Variants in COL24A1 observed in about 807,000 individuals in gnomAD.
COL24A1 encodes collagen type XXIV alpha 1 chain.
COL24A1 carries 224 observed loss-of-function variants against 253.9 expected under a neutral mutation model. The ratio of observed to expected loss-of-function variants is 0.88; its 90% CI spans 0.79 to 0.99. COL24A1 has a LOEUF of 0.99. Ranked by LOEUF, COL24A1 falls within the 50% of genes least tolerant of loss-of-function variation. The pLI is 0.00. For synonymous variants in COL24A1, 685 were observed against 673.7 expected (o/e 1.02, Z -0.26); for missense variants, 2,131 against 2,068.5 (o/e 1.03, Z -0.59).
chr1:86,027,794 C>T (rs1324797867), intron 14 of COL24A1, among the ~76,000 whole-genome samples: 4 of 152,132 alleles, frequency 2.6e-5, no homozygotes, highest in African/African-American at 4.8e-5. Context: ...GGTAGATCCA[C>T]GAACAGCTTG....
chr1:85,858,439 G>A (rs980804451), intron 37 of COL24A1, among the ~76,000 whole-genome samples: 9 of 151,780 alleles, frequency 5.9e-5, no homozygotes, highest in Admixed American at 2.6e-4. Flanking sequence ...GGGCCTTTGC[G>A]TTAGATATTC....
chr1:86,081,041 G>A (rs1467142781), intron 7 of COL24A1, among the ~76,000 whole-genome samples: 13 of 151,804 alleles, frequency 8.6e-5, no homozygotes, highest in Admixed American at 2.0e-4. Context: ...ATAGTTGCAC[G>A]GGGAAATAAA....
At chr1:85,825,515 G>C (rs1193872141) in intron 43 of COL24A1, among the ~76,000 whole-genome samples, 1 of 152,084 alleles carries the variant, frequency 6.6e-6, no homozygotes, top group African/African-American at 2.4e-5. Flanking sequence ...TCCCACAATG[G>C]TTGAACTAGT....
chr1:85,997,730 A>G (rs12031105), intron 19 of COL24A1, among the ~76,000 whole-genome samples: 58,529 of 150,928 alleles, frequency 0.39, 11,843 homozygotes, highest in East Asian at 0.58. Context: ...GCAGTGAGCC[A>G]AGATCGCGCC....
intron 28 of COL24A1, among the ~76,000 whole-genome samples, chr1:85,906,264 C>CT (rs10526604): frequency 0.01 from 801 of 77,836 alleles, 107 homozygotes; most frequent in Admixed American, 0.013. Context: ...ACTGCAAGGT[C>CT]TTTTTTTTTT....
chr1:85,794,056 A>G (rs547843515), intron 47 of COL24A1, among the ~76,000 whole-genome samples: 11 of 152,306 alleles, frequency 7.2e-5, no homozygotes, highest in South Asian at 2.1e-4. Flanking sequence ...TCAGAGTTAA[A>G]CCAACTGAAA....
rs1482194231 is a variant in COL24A1, at chr1:86,146,101, A to G, written c.121+18T>C. The G allele has an allele frequency of 6.3e-7, 1 of 1,595,390 alleles. No homozygotes were observed. Among genetic ancestry groups the G allele is most frequent in the Admixed American group, 1.7e-5 (1 of 58,478 alleles). ...GAATTTTTAAGTAAGCAAATAAATT[A>G]AAAGGTAATTTTCTTACCTTGTTCT... On this transcript the variant is annotated intron_variant, in intron 2 of 59. Transcript: ENST00000370571.
At chr1:85,961,161 C>G in intron 24 of COL24A1, 88 bp downstream of exon 24, 5 of 972,330 alleles carry the variant, frequency 5.1e-6, no homozygotes, top group Non-Finnish European at 8.1e-6. Flanking sequence ...TTCCGAGTAA[C>G]TTGACTATAG....
intron 3 of COL24A1, among the ~76,000 whole-genome samples, chr1:86,118,654 C>T (rs1706398936): frequency 6.6e-6 from 1 of 151,960 alleles, no homozygotes; most frequent in South Asian, 2.1e-4. Flanking sequence ...ACAAATTTTA[C>T]TTAGTGACAT....
At chr1:85,849,042 T>A (rs1387458496) in intron 38 of COL24A1, among the ~76,000 whole-genome samples, 1 of 152,170 alleles carries the variant, frequency 6.6e-6, no homozygotes, top group Non-Finnish European at 1.5e-5. Context: ...GCACAAATGG[T>A]ATAGTATTTT....
At chr1:86,132,933 T>C (rs1019725784) in intron 2 of COL24A1, among the ~76,000 whole-genome samples, 19 of 152,108 alleles carry the variant, frequency 1.2e-4, no homozygotes, top group African/African-American at 4.3e-4. Flanking sequence ...GGGGATGGAA[T>C]TGAATCTGTA....
intron 12 of COL24A1, among the ~76,000 whole-genome samples, chr1:86,043,047 G>A (rs1345901441): frequency 6.6e-6 from 1 of 152,040 alleles, no homozygotes; most frequent in African/African-American, 2.4e-5. Context: ...TTGACTGTTA[G>A]ACTGTTTCAT....
chr1:85,773,732 CTT>C (rs1668231219), intron 53 of COL24A1, among the ~76,000 whole-genome samples: 1 of 152,172 alleles, frequency 6.6e-6, no homozygotes, highest in African/African-American at 2.4e-5. Context: ...TATCCTGAGA[CTT>C]TGCTGAAGTT....
chr1:85,915,261 T>C (rs1168058304), intron 24 of COL24A1, among the ~76,000 whole-genome samples: 1 of 152,230 alleles, frequency 6.6e-6, no homozygotes, highest in African/African-American at 2.4e-5. Flanking sequence ...CATTGACTCC[T>C]AGTTCTCAGG....
At chr1:86,049,908 A>T (rs552160675) in intron 11 of COL24A1, among the ~76,000 whole-genome samples, 8 of 152,142 alleles carry the variant, frequency 5.3e-5, no homozygotes, top group Non-Finnish European at 1.0e-4. Context: ...TTGAACTTAA[A>T]GTACAATTAT....
At chr1:85,786,188 T>G (rs1303670811) in intron 48 of COL24A1, among the ~76,000 whole-genome samples, 166 bp downstream of exon 48, 2 of 152,178 alleles carry the variant, frequency 1.3e-5, no homozygotes, top group South Asian at 4.1e-4. Context: ...TCATGGGAGA[T>G]GGATATGTCA....
At chr1:85,818,124 T>C (rs1452032405) in intron 45 of COL24A1, 37 bp from the exon 46 acceptor site, 1 of 1,539,856 alleles carries the variant, frequency 6.5e-7, no homozygotes, top group African/African-American at 1.4e-5. Flanking sequence ...TTGACTGTAA[T>C]AATCTTACTT....
At chr1:85,735,321 C>G (rs1242566013) in intron 58 of COL24A1, among the ~76,000 whole-genome samples, 1 of 152,106 alleles carries the variant, frequency 6.6e-6, no homozygotes, top group Non-Finnish European at 1.5e-5. Context: ...CATCAGGCTA[C>G]TACATATAAT....
chr1:86,108,692 A>G (rs1705248064), intron 5 of COL24A1, among the ~76,000 whole-genome samples: 1 of 150,418 alleles, frequency 6.6e-6, no homozygotes, highest in Non-Finnish European at 1.5e-5. Context: ...CTGTAACCCC[A>G]GCTACTCAGG....
Sources: allele counts gnomAD v4.1 joint callset (sites outside exome capture counted in the v4.1 genomes callset), GRCh38; gene constraint gnomAD v4.1.1; transcripts MANE v1.5; gene names NCBI Gene and HGNC (gene_info 2026-07-23, HGNC 2026-07-21).